KIF1C: variants seen among roughly 807,000 people sequenced by gnomAD.
KIF1C encodes kinesin-like protein KIF1C.
A neutral mutation model predicts 126.5 loss-of-function variants in KIF1C; 61 were observed. The observed-to-expected ratio is 0.48, with a 90% CI of 0.39 to 0.60. The LOEUF is 0.60. Ranked by LOEUF, KIF1C falls within the 20% of genes least tolerant of loss-of-function variation. The pLI, the probability that KIF1C is intolerant of heterozygous loss-of-function variation, is 0.00. For missense variants in KIF1C, 1,315 were observed against 1,489.2 expected, an observed-to-expected ratio of 0.88 and a Z score of 1.93; for synonymous variants, 640 against 580.6, an observed-to-expected ratio of 1.10 and a Z score of -1.47.
chr17:5,006,881 T>C, intron 13 of KIF1C, 34 bp from the exon 14 acceptor site: 1 of 1,609,470 alleles, frequency 6.2e-7, no homozygotes, highest in South Asian at 1.1e-5. Flanking sequence ...CTTCTTTCCT[T>C]AGCCTCATTC....
In KIF1C at chr17:5,014,850, G is replaced by A. The variant is rs553003454; in HGVS notation, c.1666+13G>A. 1.9e-6 allele frequency: 3 copies of A among 1,569,688 alleles called. No individual in the cohort carries two copies. Among genetic ancestry groups the A allele is most frequent in the African/African-American group, 1.3e-5 (1 of 74,250 alleles). ...CCAGATGGAGAAGGTAATGGCTGAG[G>A]GGGTGAGAGAGGCCAGACAGGGAGA... On this transcript the variant is annotated intron_variant, in intron 18 of 22. Coordinates refer to ENST00000320785, the MANE Select transcript of KIF1C (RefSeq NM_006612.6).
Position 5,023,875 on chromosome 17 carries a change from T to C in KIF1C, c.3036T>C (p.His1012=). ...PLQPPEEVTP[H]PATPARRPPS... ...AACCCCCTGAGGAGGTCACTCCCCA[T>C]CCAGCCACCCCTGCCCGCCGGCCTC... The change falls in exon 23 of 23, where the codon CAT becomes CAC. Residue 1012 remains histidine, a synonymous_variant. Coordinates refer to ENST00000320785, the MANE Select transcript of KIF1C (RefSeq NM_006612.6). This position sits in a 1 kb window ranked among gnomAD's most constrained non-coding sequence, Gnocchi z 4.2. The C allele has an allele frequency of 1.3e-6, 2 of 1,531,794 alleles. No individual in the cohort carries two copies. Among genetic ancestry groups the C allele is most frequent in the Non-Finnish European group, 1.8e-6 (2 of 1,138,848 alleles). 94.9% of individuals were successfully genotyped at this position (1,531,794 alleles called of 1,614,324 possible). A position where few individuals can be genotyped will look rare whatever the true frequency, so the allele number is the denominator to read the frequency against.
intron 13 of KIF1C, 102 bp from the exon 14 acceptor site, chr17:5,006,813 T>C: frequency 8.3e-7 from 1 of 1,207,030 alleles, no homozygotes; most frequent in Non-Finnish European, 1.2e-6. Context: ...TCTTCTGTAG[T>C]CCTTACAGAC....
At position 5,020,114 on chromosome 17, in the gene KIF1C, C is replaced by T. The variant is rs765338844; in HGVS notation, c.1750+35C>T. 9.9e-6 allele frequency: 15 copies of T among 1,514,762 alleles called. No homozygotes were observed. Among genetic ancestry groups the T allele is most frequent in the East Asian group, 4.8e-5 (2 of 41,342 alleles). The allele number at this position is 1,514,762 out of a possible 1,614,324, so 93.8% of individuals were successfully genotyped here. A position where few individuals can be genotyped will look rare whatever the true frequency, so the allele number is the denominator to read the frequency against. On this transcript the variant is annotated intron_variant, in intron 19 of 22. Transcript: ENST00000320785. The surrounding 1 kb of genome is among the most constrained non-coding windows in gnomAD (Gnocchi z 5.8). ...GTGTCGCAGATTGAGGGTTCTGGGG[C>T]GTGGCTGTGTGTAGGAAGTCTCAAG...
intron 4 of KIF1C, 143 bp downstream of exon 4, chr17:5,000,991 C>CAG: frequency 1.0e-6 from 1 of 964,396 alleles, no homozygotes; most frequent in Non-Finnish European, 1.6e-6. Flanking sequence ...GGTGGTAGGA[C>CAG]CCTTAGGCTG....
In KIF1C at chr17:5,025,502, A is replaced by C. The variant is rs1975193894; in HGVS notation, c.*1351A>C. 6.6e-6 allele frequency: 1 copy of C among 152,162 alleles called. No homozygotes were observed. Among genetic ancestry groups the C allele is most frequent in the Admixed American group, 6.5e-5 (1 of 15,272 alleles). The allele number at this position is 152,162 out of a possible 1,614,324, so 9.4% of individuals were successfully genotyped here. The stretch of plus-strand genomic sequence containing the variant: ...TCTGGCAGGCTACATCATTGTTCCC[A>C]GTCGTTATTTTATTTGTGTTAAGAC... On this transcript the variant is annotated 3_prime_UTR_variant, in exon 23 of 23. Transcript: ENST00000320785.
At chr17:5,008,101 G>A (rs1039697968) in intron 16 of KIF1C, among the ~76,000 whole-genome samples, 2 of 152,208 alleles carry the variant, frequency 1.3e-5, no homozygotes, top group African/African-American at 2.4e-5. Context: ...TGAGGTTGAA[G>A]AGCCTGGGGT....
In KIF1C at chr17:5,022,123, A is replaced by G; in HGVS notation, c.2042A>G (p.Asp681Gly). ...GACTCGGACAGCGGGGATGACTCTGACAAGCGCTCTTGTGAAGAGAGCTGG... is the reference window on the plus strand; with the variant it reads ...GACTCGGACAGCGGGGATGACTCTGGCAAGCGCTCTTGTGAAGAGAGCTGG... ...YADSDSGDDSDKRSCEESWRL... is the reference protein window; with the variant it reads ...YADSDSGDDSGKRSCEESWRL... The change falls in exon 22 of 23, where the codon GAC (aspartate) becomes GGC (glycine). Residue 681 changes from aspartate (D) to glycine (G), a missense_variant. Around this residue, in one of 2 missense-constraint regions of KIF1C, gnomAD observed 874 missense variants for 1,053.2 expected, o/e 0.83. Transcript: ENST00000320785. This position sits in a 1 kb window ranked among gnomAD's most constrained non-coding sequence, Gnocchi z 4.9. 1.2e-6 allele frequency: 2 copies of G among 1,610,458 alleles called. No individual in the cohort carries two copies. Among genetic ancestry groups the G allele is most frequent in the Non-Finnish European group, 1.7e-6 (2 of 1,177,380 alleles).
Position 5,024,220 on chromosome 17 carries a change from G to T in KIF1C, c.*69G>T, listed in dbSNP as rs1336289099. ...GAGAAGGGAAGACGCCCGAGACGCT[G>T]CTTCCCCAGAAGTGCTGGGGCAGGG... On this transcript the variant is annotated 3_prime_UTR_variant, in exon 23 of 23. Transcript: ENST00000320785. 10 of 1,166,420 alleles carry T rather than the reference G, an allele frequency of 8.6e-6. No homozygotes were observed. The Admixed American group carries it at 1.7e-4, about 20-fold the overall frequency. 72.3% of individuals were successfully genotyped at this position (1,166,420 alleles called of 1,614,324 possible). A position where few individuals can be genotyped will look rare whatever the true frequency, so the allele number is the denominator to read the frequency against.
Position 5,020,197 on chromosome 17 carries a change from G to A in KIF1C, c.1750+118G>A, listed in dbSNP as rs925627266. On this transcript the variant is annotated intron_variant, in intron 19 of 22. Coordinates refer to ENST00000320785, the MANE Select transcript of KIF1C (RefSeq NM_006612.6). The surrounding 1 kb of genome is among the most constrained non-coding windows in gnomAD (Gnocchi z 5.8). ...CCCTGAAATACATCAGAAATAGCAC[G>A]GGGATATAAAGAAGGAACTGGGAAG... 1.6e-5 allele frequency: 13 copies of A among 809,532 alleles called. No homozygotes were observed. The highest frequency in any genetic ancestry group is 1.5e-4 in the African/African-American group (9 of 58,718). 50.1% of individuals were successfully genotyped at this position (809,532 alleles called of 1,614,324 possible). A position where few individuals can be genotyped will look rare whatever the true frequency, so the allele number is the denominator to read the frequency against.
At chr17:5,012,575 G>A (rs1290591208) in intron 16 of KIF1C, among the ~76,000 whole-genome samples, 1 of 152,050 alleles carries the variant, frequency 6.6e-6, no homozygotes, top group Non-Finnish European at 1.5e-5. Flanking sequence ...CAAGTCCAGC[G>A]GGCCTGGGGT....
Position 5,007,255 on chromosome 17 carries a change from G to A in KIF1C, c.1336-8G>A, listed in dbSNP as rs778681188. The A allele has an allele frequency of 1.7e-5, 27 of 1,604,288 alleles. No individual in the cohort carries two copies. Among genetic ancestry groups the A allele is most frequent in the Admixed American group, 3.4e-5 (2 of 57,972 alleles). On this transcript the variant is annotated splice_polypyrimidine_tract_variant and splice_region_variant and intron_variant, in intron 14 of 22. Coordinates refer to ENST00000320785, the MANE Select transcript of KIF1C (RefSeq NM_006612.6). ...CCATCCTGAAACCTACCCACCTTAC[G>A]CCCCCAGGAGACAGAGAAGATTATA...
rs2143379600 is a variant in KIF1C at position 5,020,382 on chromosome 17, T to C, written c.1751-110T>C. On this transcript the variant is annotated intron_variant, in intron 19 of 22. Coordinates refer to ENST00000320785, the MANE Select transcript of KIF1C (RefSeq NM_006612.6). The surrounding 1 kb of genome is among the most constrained non-coding windows in gnomAD (Gnocchi z 5.8). The stretch of plus-strand genomic sequence containing the variant: ...CCAACTGCCTTCAGACTTGGGGTGA[T>C]GAAGGGGAGGGTGTCACAGCCCCTG... 1 of 1,139,888 alleles carries C rather than the reference T, an allele frequency of 8.8e-7. No homozygotes were observed. The highest frequency in any genetic ancestry group is 2.5e-5 in the East Asian group (1 of 39,226). 70.6% of individuals were successfully genotyped at this position (1,139,888 alleles called of 1,614,324 possible).
chr17:5,015,407 C>T (rs753465027), intron 18 of KIF1C, among the ~76,000 whole-genome samples: 7 of 151,548 alleles, frequency 4.6e-5, no homozygotes, highest in Admixed American at 1.3e-4. Context: ...CCTCAGCCTC[C>T]CGAGTAGCCG....
rs759971691 is a variant in KIF1C, at chr17:5,022,367, T to C, written c.2286T>C (p.Ala762=). The part of the protein sequence containing the change: ...VKEICYEVAL[A]DFRHGRAEIE... ...AGATCTGCTACGAGGTGGCCCTGGCTGACTTCCGCCACGGGCGGGCTGAGA... is the reference window on the plus strand; with the variant it reads ...AGATCTGCTACGAGGTGGCCCTGGCCGACTTCCGCCACGGGCGGGCTGAGA... The change falls in exon 22 of 23, where the codon GCT becomes GCC. Residue 762 remains alanine, a synonymous_variant. Transcript: ENST00000320785. This position sits in a 1 kb window ranked among gnomAD's most constrained non-coding sequence, Gnocchi z 4.9. 1.9e-6 allele frequency: 3 copies of C among 1,586,568 alleles called. No individual in the cohort carries two copies. In the Admixed American group the frequency reaches 5.4e-5, roughly 29 times the overall value.
rs1974653679 is a variant in KIF1C at position 5,003,505 on chromosome 17, C to T, written c.721-107C>T. On this transcript the variant is annotated intron_variant, in intron 8 of 22. Transcript: ENST00000320785. ...CCTCCTCCCTCGCCTCCTCCTGGCT[C>T]TCTCTAGCCCTTGCCAGCTGCCCAC... 6 of 712,674 alleles carry T rather than the reference C, an allele frequency of 8.4e-6. No individual in the cohort carries two copies. In the East Asian group the frequency reaches 1.6e-4, roughly 19 times the overall value. 44.1% of individuals were successfully genotyped at this position (712,674 alleles called of 1,614,324 possible).
At chr17:5,003,975 T>A (rs780705184) in intron 10 of KIF1C, 23 bp from the exon 11 acceptor site, 1 of 1,612,324 alleles carries the variant, frequency 6.2e-7, no homozygotes, top group Non-Finnish European at 8.5e-7. Context: ...CACCCTAACC[T>A]CCTTCCTCCT....
intron 18 of KIF1C, among the ~76,000 whole-genome samples, chr17:5,018,842 T>C (rs1291133587): frequency 2.6e-5 from 4 of 152,234 alleles, no homozygotes; most frequent in Non-Finnish European, 5.9e-5. Context: ...AATGTATTTC[T>C]GAGACCTAGT....
chr17:5,019,550 C>T, intron 18 of KIF1C: 1 of 181,728 alleles, frequency 5.5e-6, no homozygotes, highest in Admixed American at 5.7e-5. Flanking sequence ...AGTCAGGTGG[C>T]AGTTTGCAAG....
Sources: allele counts gnomAD v4.1 joint callset (sites outside exome capture counted in the v4.1 genomes callset), GRCh38; gene constraint gnomAD v4.1.1; regional missense constraint gnomAD v4.1.1; non-coding constraint Gnocchi (gnomAD v3.1); transcripts MANE v1.5; gene names NCBI Gene and HGNC (gene_info 2026-07-23, HGNC 2026-07-21).